The following SLC5A6 variants were observed in gnomAD, a reference collection of about 807,000 sequenced individuals.
SLC5A6 encodes the protein sodium-dependent multivitamin transporter.
In SLC5A6, 31 loss-of-function variants were observed where a neutral mutation model predicts 67.9. The observed-to-expected ratio is 0.46, with a 90% confidence interval of 0.34 to 0.62. The LOEUF is 0.62. Ranked by LOEUF, SLC5A6 falls within the 20% of genes least tolerant of loss-of-function variation. The pLI is 0.01. For synonymous variants in SLC5A6, 343 were observed against 331.0 expected, an observed-to-expected ratio of 1.04 and a Z score of -0.39; for missense variants, 673 against 812.8, an observed-to-expected ratio of 0.83 and a Z score of 2.09.
chr2:27,203,427 A>T, intron 10 of SLC5A6, 82 bp from the exon 11 acceptor site: 1 of 1,244,992 alleles, frequency 8.0e-7, no homozygotes, highest in East Asian at 2.4e-5. Flanking sequence ...ATGGTGTCCT[A>T]AAGCGGGGAG....
At chr2:27,206,261 A>G in intron 5 of SLC5A6, 168 bp from the exon 6 acceptor site, 1 of 713,098 alleles carries the variant, frequency 1.4e-6, no homozygotes, top group South Asian at 1.8e-5. Context: ...ACCAAAAGAT[A>G]TTGACTAACC....
chr2:27,204,738 G>A (rs1673921116), intron 8 of SLC5A6, 53 bp downstream of exon 8: 1 of 1,611,608 alleles, frequency 6.2e-7, no homozygotes, highest in African/African-American at 1.3e-5. Flanking sequence ...ATTATCTCTG[G>A]GGAACCCCTT....
chr2:27,205,202 C>T, intron 7 of SLC5A6, 148 bp downstream of exon 7: 1 of 805,658 alleles, frequency 1.2e-6, no homozygotes, highest in Admixed American at 2.9e-5. Context: ...AATCACCCTC[C>T]ATCTCTGCAG....
chr2:27,203,208 A>C (rs775876496), intron 11 of SLC5A6, 25 bp downstream of exon 11: 28 of 1,613,668 alleles, frequency 1.7e-5, no homozygotes, highest in Non-Finnish European at 2.4e-5. Context: ...ACCCAGACTG[A>C]AGAGATGAGG....
chr2:27,212,273 C>T, upstream of SLC5A6: 1 of 1,555,328 alleles, frequency 6.4e-7, no homozygotes. Context: ...TGGACCGGGC[C>T]GCTTAGGCCA....
intron 1 of SLC5A6, 51 bp downstream of exon 1, chr2:27,211,964 GGCCCC>G: frequency 4.7e-6 from 2 of 422,292 alleles, no homozygotes; most frequent in Non-Finnish European, 8.0e-6. Context: ...AGCCCGCGGG[GGCCCC>G]GCCCCCTGCC....
chr2:27,204,619 A>G (rs750168424), intron 8 of SLC5A6, 29 bp from the exon 9 acceptor site: 4 of 1,612,166 alleles, frequency 2.5e-6, no homozygotes, highest in Non-Finnish European at 3.4e-6. Flanking sequence ...CCAGGAGGAG[A>G]GCCGGCGTTA....
rs756953991 is a variant in SLC5A6, at chr2:27,207,465, C to T, written c.186G>A (p.Ala62=). 41 of 1,614,060 alleles carry T rather than the reference C, an allele frequency of 2.5e-5. No individual in the cohort carries two copies. In the South Asian group the frequency reaches 2.7e-4, roughly 11 times the overall value. The change falls in exon 3 of 17, where the codon GCG becomes GCA. Residue 62 remains alanine, a synonymous_variant. Coordinates refer to ENST00000310574, the MANE Select transcript of SLC5A6 (RefSeq NM_021095.4). This position sits in a 1 kb window ranked among gnomAD's most constrained non-coding sequence, Gnocchi z 5.5. ...CCGGAAGGCAGCCCATTTTGCGGTCCGCCATCAGCAGCTCACCAACAGTAT... is the reference window on the plus strand; with the variant it reads ...CCGGAAGGCAGCCCATTTTGCGGTCTGCCATCAGCAGCTCACCAACAGTAT... The part of the protein sequence containing the change: ...GRHTVGELLM[A]DRKMGCLPVA...
intron 2 of SLC5A6, among the ~76,000 whole-genome samples, chr2:27,211,147 C>T (rs1413812208): frequency 6.6e-6 from 1 of 152,222 alleles, no homozygotes. Context: ...AAAAAGATTC[C>T]CTCAAAATCT....
Position 27,207,743 on chromosome 2 carries a change from C to T in SLC5A6, c.-93G>A. The T allele has an allele frequency of 8.2e-7, 1 of 1,224,970 alleles. No individual in the cohort carries two copies. The highest frequency in any genetic ancestry group is 2.4e-5 in the East Asian group (1 of 42,044). 75.9% of individuals were successfully genotyped at this position (1,224,970 alleles called of 1,614,324 possible). A position where few individuals can be genotyped will look rare whatever the true frequency, so the allele number is the denominator to read the frequency against. On this transcript the variant is annotated 5_prime_UTR_variant, in exon 3 of 17. Coordinates refer to ENST00000310574, the MANE Select transcript of SLC5A6 (RefSeq NM_021095.4). The surrounding 1 kb of genome is among the most constrained non-coding windows in gnomAD (Gnocchi z 5.5). ...TGTGTGGCTACAATCTGGCTTCCAG[C>T]CACAGTCTCACAGTCTTCCTCCACG...
At chr2:27,201,246 G>A (rs947480923) in intron 15 of SLC5A6, 104 bp downstream of exon 15, 10 of 909,776 alleles carry the variant, frequency 1.1e-5, no homozygotes, top group Middle Eastern at 5.6e-4. Flanking sequence ...TGACAGCTAC[G>A]GACACCCAAG....
intron 5 of SLC5A6, 25 bp from the exon 6 acceptor site, chr2:27,206,118 T>G (rs1464109458): frequency 1.2e-6 from 2 of 1,612,722 alleles, no homozygotes; most frequent in East Asian, 2.2e-5. Flanking sequence ...GCCACATTCT[T>G]ATCCCTGGAA....
At chr2:27,206,179 G>A (rs144932380) in intron 5 of SLC5A6, 86 bp from the exon 6 acceptor site, 223 of 1,116,542 alleles carry the variant, frequency 2.0e-4, no homozygotes, top group Middle Eastern at 2.0e-4. Flanking sequence ...TCATGCCACA[G>A]AGATAAAGCA....
chr2:27,212,553 G>C (rs1271202800), upstream of SLC5A6: 15 of 1,495,020 alleles, frequency 1.0e-5, no homozygotes, highest in Non-Finnish European at 1.3e-5. Context: ...CCTTCTCCTC[G>C]GCGGGCCTGC....
upstream of SLC5A6, chr2:27,212,465 G>A (rs866330510): frequency 1.9e-5 from 29 of 1,563,152 alleles, no homozygotes; most frequent in Admixed American, 3.8e-5. Context: ...GGCGCTACCC[G>A]AGGTACAGAA....
chr2:27,212,745 CTT>C (rs1049476466), upstream of SLC5A6: 1 of 951,256 alleles, frequency 1.1e-6, no homozygotes, highest in Non-Finnish European at 1.4e-6. Flanking sequence ...TCCTCTGCCT[CTT>C]GTGTAATCTC....
chr2:27,201,126 G>A lies in SLC5A6; in HGVS notation c.1649-13C>T. 1 of 1,588,704 alleles carries A rather than the reference G, an allele frequency of 6.3e-7. No homozygotes were observed. Among genetic ancestry groups the A allele is most frequent in the Admixed American group, 1.7e-5 (1 of 59,502 alleles). ...CCTCGCATTCTCCCTGAATGGAAAT[G>A]TGCTTCTGAGTCTCTGGGTGGAACC... On this transcript the variant is annotated splice_polypyrimidine_tract_variant and intron_variant, in intron 15 of 16. Transcript: ENST00000310574.
At chr2:27,211,000 G>C (rs1223553740) in intron 2 of SLC5A6, among the ~76,000 whole-genome samples, 1 of 152,110 alleles carries the variant, frequency 6.6e-6, no homozygotes, top group Non-Finnish European at 1.5e-5. Flanking sequence ...CTCCAGCCTG[G>C]GCGACAGAGC....
chr2:27,201,138 C>T (rs1673602616), intron 15 of SLC5A6, 25 bp from the exon 16 acceptor site: 1 of 1,568,464 alleles, frequency 6.4e-7, no homozygotes, highest in East Asian at 2.2e-5. Flanking sequence ...GCTTCTGAGT[C>T]TCTGGGTGGA....
Sources: gnomAD v4.1 joint callset for allele counts (sites outside exome capture counted in the v4.1 genomes callset) on GRCh38, gnomAD v4.1.1 for gene constraint, Gnocchi (gnomAD v3.1) non-coding constraint, MANE v1.5 for transcripts, NCBI Gene and HGNC (gene_info 2026-07-23, HGNC 2026-07-21) for gene names.